Variants in DNMT3A observed in about 807,000 individuals in gnomAD.
DNMT3A encodes DNA methyltransferase 3 alpha.
Under a neutral mutation model 117.6 loss-of-function variants are expected in DNMT3A, and 267 were observed. That is an observed-to-expected ratio of 2.27 (90% CI 2.05 to 2.51). The LOEUF (loss-of-function observed/expected upper bound fraction) is 2.51, where lower values mean the gene tolerates loss of function less well. DNMT3A is among the 30% of genes most tolerant of loss of function. The pLI is 0.00. For synonymous variants in DNMT3A, 432 were observed against 474.8 expected, an observed-to-expected ratio of 0.91 and a Z score of 1.17; for missense variants, 1,029 against 1,260.2, an observed-to-expected ratio of 0.82 and a Z score of 2.78.
rs1382861580 is a variant in DNMT3A at position 25,232,141 on chromosome 2, G to C, written c.*2138C>G. 1 of 152,036 alleles carries C rather than the reference G, an allele frequency of 6.6e-6. No individual in the cohort carries two copies. The highest frequency in any genetic ancestry group is 1.5e-5 in the Non-Finnish European group (1 of 68,008). 9.4% of individuals were successfully genotyped at this position (152,036 alleles called of 1,614,324 possible). A position where few individuals can be genotyped will look rare whatever the true frequency, so the allele number is the denominator to read the frequency against. ...GACCCTATCTATGTATTTATAGAGC[G>C]CCTATCACTGTAGGCCCCATCTTTC... On this transcript the variant is annotated 3_prime_UTR_variant, in exon 23 of 23. Transcript: ENST00000321117. This position sits in a 1 kb window ranked among gnomAD's most constrained non-coding sequence, Gnocchi z 4.1.
At chr2:25,250,572 C>A (rs1234334162) in intron 6 of DNMT3A, among the ~76,000 whole-genome samples, 2 of 152,234 alleles carry the variant, frequency 1.3e-5, no homozygotes, top group East Asian at 1.9e-4. Context: ...ATCGCCTCCT[C>A]CCCTACGAGA....
At chr2:25,308,025 G>A (rs2033875306) in intron 2 of DNMT3A, among the ~76,000 whole-genome samples, 1 of 152,178 alleles carries the variant, frequency 6.6e-6, no homozygotes, top group Admixed American at 6.5e-5. Context: ...ATGACCCAAA[G>A]AGAGACAACA....
rs187636339 is a variant in DNMT3A, at chr2:25,230,158, T to A, written c.*4121A>T. On this transcript the variant is annotated 3_prime_UTR_variant, in exon 23 of 23. Coordinates refer to ENST00000321117, the MANE Select transcript of DNMT3A (RefSeq NM_022552.5). ...CAATAGGATGTTCAATAGCAAGAAG[T>A]CTCTGGGGCCTAGAGACAAAAGGAC... 4.6e-5 allele frequency: 7 copies of A among 152,298 alleles called. No homozygotes were observed. Among genetic ancestry groups the A allele is most frequent in the African/African-American group, 1.7e-4 (7 of 41,548 alleles). The allele number at this position is 152,298 out of a possible 1,614,324, so 9.4% of individuals were successfully genotyped here.
chr2:25,333,815 C>A (rs1339540046), intron 1 of DNMT3A, among the ~76,000 whole-genome samples: 1 of 152,226 alleles, frequency 6.6e-6, no homozygotes, highest in Non-Finnish European at 1.5e-5. Context: ...ATTCAGGCAA[C>A]CCCTGTAAGA....
chr2:25,249,536 T>C, intron 6 of DNMT3A: 1 of 1,109,726 alleles, frequency 9.0e-7, no homozygotes, highest in Admixed American at 1.8e-5. Context: ...TAAATACATG[T>C]ATTCATTCAG....
chr2:25,247,705 C>T lies in DNMT3A; in HGVS notation c.900G>A (p.Leu300=). 6.2e-7 allele frequency: 1 copy of T among 1,613,586 alleles called. No individual in the cohort carries two copies. The highest frequency in any genetic ancestry group is 8.5e-7 in the Non-Finnish European group (1 of 1,180,006). ...GGCCTGGCCACCAGGAGAAGCCCCG[C>T]AGTTTCCCCCACACCAGCTCCCCAA... ...FGIGELVWGK[L]RGFSWWPGRI... is the part of the protein sequence containing the mutation. Residue 300 remains leucine (L), a synonymous_variant, in exon 8 of 23, where the codon CTG becomes CTA. Transcript: ENST00000321117. This position sits in a 1 kb window ranked among gnomAD's most constrained non-coding sequence, Gnocchi z 5.6.
chr2:25,251,145 G>C, intron 6 of DNMT3A, among the ~76,000 whole-genome samples: 1 of 70,360 alleles, frequency 1.4e-5, no homozygotes, highest in African/African-American at 4.3e-5. Flanking sequence ...GGTGGGGGAA[G>C]GAAGAAGCGG....
At chr2:25,239,431 T>C (rs1673728090) in intron 19 of DNMT3A, 2 of 639,582 alleles carry the variant, frequency 3.1e-6, no homozygotes, top group Non-Finnish European at 6.0e-6. Context: ...ATTGTCCAAA[T>C]GAACTTCTGC....
chr2:25,246,409 A>G, intron 10 of DNMT3A, 100 bp from the exon 11 acceptor site: 11 of 1,477,438 alleles, frequency 7.4e-6, no homozygotes, highest in Non-Finnish European at 9.1e-6. Context: ...CTGGTCTCCA[A>G]CTTGTTCCCA....
At position 25,229,787 on chromosome 2, in the gene DNMT3A, CTATT is replaced by C. The variant is rs1434938717; in HGVS notation, c.*4488_*4491del. The stretch of plus-strand genomic sequence containing the variant: ...TTCAAAACTGCCTCCCAAATGTACT[CTATT>C]TATATAAGCAAAACTATGAAATGAA... On this transcript the variant is annotated 3_prime_UTR_variant, in exon 23 of 23. Coordinates refer to ENST00000321117, the MANE Select transcript of DNMT3A (RefSeq NM_022552.5). 6.6e-6 allele frequency: 1 copy of C among 152,234 alleles called. No individual in the cohort carries two copies. The highest frequency in any genetic ancestry group is 1.9e-4 in the East Asian group (1 of 5,206). 9.4% of individuals were successfully genotyped at this position (152,234 alleles called of 1,614,324 possible).
intron 3 of DNMT3A, among the ~76,000 whole-genome samples, chr2:25,297,144 A>G (rs1288727100): frequency 6.6e-6 from 1 of 152,192 alleles, no homozygotes; most frequent in Admixed American, 6.5e-5. Context: ...CCTTGGCTGC[A>G]GCAGGAATCC....
At chr2:25,278,844 A>T (rs1178738758) in intron 4 of DNMT3A, among the ~76,000 whole-genome samples, 1 of 151,792 alleles carries the variant, frequency 6.6e-6, no homozygotes, top group East Asian at 1.9e-4. Context: ...AAAAAAAAAA[A>T]TCTTCCTCCC....
intron 6 of DNMT3A, among the ~76,000 whole-genome samples, chr2:25,265,818 C>CA (rs35556148): frequency 0.036 from 4,506 of 125,260 alleles, 179 homozygotes; most frequent in African/African-American, 0.1. Flanking sequence ...GACTCCATCT[C>CA]AAAAAAAAAA....
intron 4 of DNMT3A, among the ~76,000 whole-genome samples, chr2:25,278,313 C>T (rs1413129541): frequency 2.0e-5 from 3 of 152,202 alleles, no homozygotes. Flanking sequence ...AGCCAGAGGC[C>T]ACCCAAGTTC....
chr2:25,247,120 G>T lies in DNMT3A; in HGVS notation c.1053C>A (p.Cys351Ter). ...VEKLMPLSSF[C>*]SAFHQATYNK... ...TGTACGTGGCCTGGTGGAACGCACT[G>T]CAAAACGAGCTCAGCGGCATCAGCT... Residue 351 changes from cysteine to a stop codon, truncating the protein, a stop_gained, in exon 9 of 23, where the codon TGC (cysteine) becomes TGA (stop). Coordinates refer to ENST00000321117, the MANE Select transcript of DNMT3A (RefSeq NM_022552.5). LOFTEE classifies it high-confidence loss of function. The surrounding 1 kb of genome is among the most constrained non-coding windows in gnomAD (Gnocchi z 5.6). The T allele has an allele frequency of 1.2e-6, 2 of 1,614,110 alleles. No individual in the cohort carries two copies. Among genetic ancestry groups the T allele is most frequent in the Non-Finnish European group, 1.7e-6 (2 of 1,179,970 alleles).
At position 25,328,431 on chromosome 2, in the gene DNMT3A, C is replaced by T. The variant is rs544674056; in HGVS notation, c.-178+13395G>A. Among the ~76,000 whole-genome samples the T allele has an allele frequency of 2.0e-5, 3 of 152,274 alleles. No individual in the cohort carries two copies. In the South Asian group the frequency reaches 6.2e-4, roughly 32 times the overall value. On this transcript the variant is annotated intron_variant, in intron 1 of 22. Transcript: ENST00000321117. ...GCCCACTCAGCTCCTCTCTCCCAGT[C>T]CTTCAACCCAACATCTCTCCTCCCC...
At position 25,304,187 on chromosome 2, in the gene DNMT3A, C is replaced by T. The variant is rs13411540; in HGVS notation, c.73-3944G>A. On this transcript the variant is annotated intron_variant, in intron 2 of 22. Coordinates refer to ENST00000321117, the MANE Select transcript of DNMT3A (RefSeq NM_022552.5). This position sits in a 1 kb window ranked among gnomAD's most constrained non-coding sequence, Gnocchi z 4.3. ...GGGGAGGGGGTGGAAATTCCAGACA[C>T]GTAGGCTTTGGAGAGGGCAGAGCCG... 0.015 allele frequency among the ~76,000 whole-genome samples: 2,292 copies of T among 152,244 alleles called. 50 individuals carry two copies. The highest frequency in any genetic ancestry group is 0.05 in the African/African-American group (2,095 of 41,526).
intron 2 of DNMT3A, among the ~76,000 whole-genome samples, chr2:25,301,999 T>C (rs1238416557): frequency 1.3e-5 from 2 of 152,192 alleles, no homozygotes; most frequent in African/African-American, 4.8e-5. Flanking sequence ...GCTGTAGACA[T>C]AAGACCAGCG....
At chr2:25,319,315 CT>C (rs1237498743) in intron 1 of DNMT3A, among the ~76,000 whole-genome samples, 6 of 148,980 alleles carry the variant, frequency 4.0e-5, no homozygotes, top group Non-Finnish European at 4.5e-5. Flanking sequence ...CGCCCGGGGT[CT>C]TTTTTTTTTC....
Sources: allele counts gnomAD v4.1 joint callset (sites outside exome capture counted in the v4.1 genomes callset), GRCh38; gene constraint gnomAD v4.1.1; non-coding constraint Gnocchi (gnomAD v3.1); transcripts MANE v1.5; gene names NCBI Gene and HGNC (gene_info 2026-07-23, HGNC 2026-07-21).